TANC2: variants seen among roughly 807,000 people sequenced by gnomAD.
TANC2 encodes the protein tetratricopeptide repeat, ankyrin repeat and coiled-coil containing 2, also known as protein TANC2.
A neutral mutation model predicts 210.5 loss-of-function variants in TANC2; 26 were observed. The observed-to-expected ratio is 0.12, with a 90% CI of 0.09 to 0.17. The LOEUF (loss-of-function observed/expected upper bound fraction) is 0.17. Ranked by LOEUF, TANC2 falls within the 10% of genes least tolerant of loss-of-function variation. The probability of loss-of-function intolerance (pLI) is 1.00; values close to 1 mark genes in which losing one functional copy is unlikely to be tolerated. For missense variants in TANC2, 2,129 were observed against 2,608.9 expected (o/e 0.82, Z 4.01); for synonymous variants, 931 against 967.1 (o/e 0.96, Z 0.69).
At chr17:63,055,981 A>T (rs1162709962) in intron 2 of TANC2, among the ~76,000 whole-genome samples, 2 of 33,648 alleles carry the variant, frequency 5.9e-5, no homozygotes, top group Admixed American at 4.0e-4. Flanking sequence ...AAAAAAAAAA[A>T]AAAAAAAAAA....
chr17:63,348,527 C>T (rs1242680401), intron 12 of TANC2, among the ~76,000 whole-genome samples: 1 of 152,010 alleles, frequency 6.6e-6, no homozygotes, highest in Non-Finnish European at 1.5e-5. Context: ...AAAATAGCAA[C>T]AGCTCAGAAT....
At chr17:63,416,574 T>C (rs975967843) in intron 26 of TANC2, among the ~76,000 whole-genome samples, 1 of 152,220 alleles carries the variant, frequency 6.6e-6, no homozygotes, top group African/African-American at 2.4e-5. Flanking sequence ...ACCCTGACAC[T>C]GGAAGGAACC....
intron 14 of TANC2, among the ~76,000 whole-genome samples, chr17:63,356,436 C>T (rs144850582): frequency 6.6e-6 from 1 of 152,222 alleles, no homozygotes; most frequent in African/African-American, 2.4e-5. Flanking sequence ...TCACATGTGA[C>T]TCATCAGAAA....
intron 2 of TANC2, among the ~76,000 whole-genome samples, chr17:63,028,271 A>G (rs2034633815): frequency 6.6e-6 from 1 of 152,146 alleles, no homozygotes; most frequent in Non-Finnish European, 1.5e-5. Flanking sequence ...AATGAGACAG[A>G]ATGTTTTGCC....
intron 9 of TANC2, among the ~76,000 whole-genome samples, chr17:63,292,583 G>T (rs557733869): frequency 6.6e-6 from 1 of 152,300 alleles, no homozygotes; most frequent in South Asian, 2.1e-4. Flanking sequence ...ACTTTGGGTG[G>T]TAAAAGGAAG....
At chr17:63,055,026 C>T (rs2035720300) in intron 2 of TANC2, among the ~76,000 whole-genome samples, 1 of 152,106 alleles carries the variant, frequency 6.6e-6, no homozygotes, top group Admixed American at 6.6e-5. Context: ...TGAGCTTCGG[C>T]TAGATTAAGT....
At chr17:63,342,389 C>T (rs2046260719) in intron 12 of TANC2, among the ~76,000 whole-genome samples, 1 of 152,022 alleles carries the variant, frequency 6.6e-6, no homozygotes, top group Non-Finnish European at 1.5e-5. Context: ...TCACCTTGAA[C>T]ATAGTAGGCA....
At chr17:63,361,194 A>C (rs2046947542) in intron 14 of TANC2, among the ~76,000 whole-genome samples, 1 of 152,174 alleles carries the variant, frequency 6.6e-6, no homozygotes, top group Non-Finnish European at 1.5e-5. Flanking sequence ...TGGTAGTGTC[A>C]CAGGATCTTT....
At chr17:63,098,468 ACACACACACACATACACTCT>A (rs1237202926) in intron 3 of TANC2, among the ~76,000 whole-genome samples, 19 of 37,872 alleles carry the variant, frequency 5.0e-4, no homozygotes, top group African/African-American at 7.6e-4. Context: ...ACACACACAC[ACACACACACACATACACTCT>A]CTCTCTCTCT....
intron 9 of TANC2, among the ~76,000 whole-genome samples, chr17:63,285,280 T>C (rs1174065960): frequency 1.4e-5 from 2 of 146,926 alleles, no homozygotes; most frequent in Non-Finnish European, 3.1e-5. Context: ...ATTTATCCTA[T>C]CTATTCCTTG....
intron 1 of TANC2, among the ~76,000 whole-genome samples, chr17:62,987,931 C>T (rs992184836): frequency 2.0e-5 from 3 of 151,956 alleles, no homozygotes; most frequent in Non-Finnish European, 4.4e-5. Flanking sequence ...ATAGAAATTC[C>T]AGCAGTAACA....
intron 5 of TANC2, chr17:63,153,288 A>T (rs1165268198): frequency 6.6e-6 from 1 of 152,204 alleles, no homozygotes; most frequent in Non-Finnish European, 1.5e-5. Flanking sequence ...CATAGGATAT[A>T]CTAACACCAC....
chr17:63,379,987 A>G (rs2047553083), intron 15 of TANC2, among the ~76,000 whole-genome samples, 161 bp downstream of exon 15: 1 of 152,210 alleles, frequency 6.6e-6, no homozygotes, highest in Non-Finnish European at 1.5e-5. Flanking sequence ...CTAGGCCTTT[A>G]GAACTACATT....
At chr17:63,307,874 T>G (rs1334597088) in intron 9 of TANC2, among the ~76,000 whole-genome samples, 2 of 152,164 alleles carry the variant, frequency 1.3e-5, no homozygotes, top group Admixed American at 6.6e-5. Flanking sequence ...CACACCATTC[T>G]CCTGCCTCAG....
chr17:63,313,336 C>T (rs1250532911), intron 9 of TANC2: 9 of 152,112 alleles, frequency 5.9e-5, no homozygotes, highest in Admixed American at 1.3e-4. Flanking sequence ...TAAAGTGATA[C>T]GTCTTAGAGC....
Position 62,986,251 on chromosome 17 carries a change from A to C in TANC2, c.-24+19502A>C, listed in dbSNP as rs138176101. The stretch of plus-strand genomic sequence containing the variant: ...TCAGGTTGGAGGTCCCTGTGTGCAC[A>C]TAGTGGGTTGGCTAACTTGGGGCTG... On this transcript the variant is annotated intron_variant, in intron 1 of 27. Coordinates refer to ENST00000689528, the Ensembl canonical transcript of TANC2. Among the ~76,000 whole-genome samples the C allele has an allele frequency of 4.0e-3, 614 of 152,214 alleles. 5 individuals are homozygous for C. Among genetic ancestry groups the C allele is most frequent in the African/African-American group, 0.014 (595 of 41,510 alleles).
At chr17:63,180,000 G>T (rs1332579975) in intron 5 of TANC2, among the ~76,000 whole-genome samples, 2 of 149,366 alleles carry the variant, frequency 1.3e-5, no homozygotes, top group Non-Finnish European at 1.5e-5. Flanking sequence ...AAAAGCCTTG[G>T]TGTGGTGGCA....
rs577294797 is a variant in TANC2 at position 63,353,617 on chromosome 17, T to C, written c.1975-1166T>C. On this transcript the variant is annotated intron_variant, in intron 13 of 27. Transcript: ENST00000689528. ...GGACTAAAGAATCTATTGATGGGAG[T>C]GAGAATGGCTAGAGAAGAGGAAAGA... Among the ~76,000 whole-genome samples, 3 of 150,366 alleles carry C rather than the reference T, an allele frequency of 2.0e-5. No individual in the cohort carries two copies. In the South Asian group the frequency reaches 6.3e-4, roughly 32 times the overall value.
intron 7 of TANC2, among the ~76,000 whole-genome samples, chr17:63,220,088 C>T (rs1598632048): frequency 1.3e-5 from 2 of 151,944 alleles, no homozygotes; most frequent in South Asian, 4.2e-4. Context: ...GGAGGTCAGG[C>T]ATTCGAGACC....
Sources: allele counts gnomAD v4.1 joint callset (sites outside exome capture counted in the v4.1 genomes callset), GRCh38; gene constraint gnomAD v4.1.1; transcripts MANE v1.5; gene names NCBI Gene and HGNC (gene_info 2026-07-23, HGNC 2026-07-21).